PPP2R3A: variants seen among roughly 807,000 people sequenced by gnomAD.
The protein encoded by PPP2R3A is protein phosphatase 2 regulatory subunit B''alpha, also known as serine/threonine-protein phosphatase 2A regulatory subunit B'' subunit alpha.
Under a neutral mutation model 106.9 loss-of-function variants are expected in PPP2R3A, and 80 were observed. That is an observed-to-expected ratio of 0.75 (90% CI 0.62 to 0.90). The LOEUF (loss-of-function observed/expected upper bound fraction) is 0.90. Ranked by LOEUF, PPP2R3A falls within the 40% of genes least tolerant of loss-of-function variation. The pLI is 0.00. For synonymous variants in PPP2R3A, 483 were observed against 468.3 expected (o/e 1.03, Z -0.41); for missense variants, 1,386 against 1,350.4 (o/e 1.03, Z -0.41).
At chr3:136,005,168 G>T (rs962825146) in intron 2 of PPP2R3A, among the ~76,000 whole-genome samples, 4 of 152,174 alleles carry the variant, frequency 2.6e-5, no homozygotes, top group Middle Eastern at 3.4e-3. Flanking sequence ...CTTGTTTCAC[G>T]TACAAAATTC....
At chr3:136,057,328 C>T (rs1935904011) in intron 5 of PPP2R3A, among the ~76,000 whole-genome samples, 1 of 151,974 alleles carries the variant, frequency 6.6e-6, no homozygotes, top group African/African-American at 2.4e-5. Flanking sequence ...GAATATTAGT[C>T]ATAAAAAAGA....
intron 2 of PPP2R3A, chr3:136,023,156 C>A: frequency 1.2e-6 from 2 of 1,613,500 alleles, no homozygotes; most frequent in Non-Finnish European, 1.7e-6. Context: ...ATTTTGTTCT[C>A]CCTTCACGGT....
chr3:136,054,546 C>T (rs532991756), intron 5 of PPP2R3A, among the ~76,000 whole-genome samples: 8 of 152,104 alleles, frequency 5.3e-5, no homozygotes, highest in Admixed American at 2.0e-4. Context: ...CATGAGCCAC[C>T]GCGTCCAGCC....
intron 1 of PPP2R3A, among the ~76,000 whole-genome samples, chr3:135,976,458 A>G (rs546617555): frequency 1.1e-4 from 17 of 152,326 alleles, no homozygotes; most frequent in Non-Finnish European, 2.5e-4. Context: ...TTAGCATGAG[A>G]AGGAAATTTA....
Position 136,013,157 on chromosome 3 carries a change from GGT to G in PPP2R3A, c.1995+9689_1995+9690del, listed in dbSNP as rs773969022. 5.6e-3 allele frequency among the ~76,000 whole-genome samples: 787 copies of G among 139,752 alleles called. 4 individuals carry two copies. The highest frequency in any genetic ancestry group is 7.8e-3 in the Non-Finnish European group (511 of 65,362). The allele number at this position is 139,752 out of a possible 152,430, so 91.7% of individuals were successfully genotyped here. A position where few individuals can be genotyped will look rare whatever the true frequency, so the allele number is the denominator to read the frequency against. Reference sequence around the variant, plus strand: ...TTTTTATGGCTGAATAGTATTCCATGGTGTGTGTGTGTGTGTGTGTGTGTGTA... The same window carrying G: ...TTTTTATGGCTGAATAGTATTCCATGGTGTGTGTGTGTGTGTGTGTGTGTA... On this transcript the variant is annotated intron_variant, in intron 2 of 13. Transcript: ENST00000264977.
intron 5 of PPP2R3A, among the ~76,000 whole-genome samples, chr3:136,062,735 A>G (rs1218842371): frequency 7.9e-5 from 12 of 150,982 alleles, no homozygotes; most frequent in Non-Finnish European, 1.8e-4. Flanking sequence ...AAAAAAAAAG[A>G]ATAAGGAAAC....
At chr3:135,988,749 C>A (rs1318952016) in intron 1 of PPP2R3A, among the ~76,000 whole-genome samples, 1 of 152,168 alleles carries the variant, frequency 6.6e-6, no homozygotes, top group African/African-American at 2.4e-5. Context: ...CTATGAATTT[C>A]TCTGCTTCCT....
At chr3:136,068,762 A>G (rs1026826217) in intron 5 of PPP2R3A, among the ~76,000 whole-genome samples, 1 of 150,688 alleles carries the variant, frequency 6.6e-6, no homozygotes, top group Non-Finnish European at 1.5e-5. Context: ...TTAAGAGAAA[A>G]TAGCAACTTT....
chr3:136,017,296 C>A (rs1020081740), intron 2 of PPP2R3A, among the ~76,000 whole-genome samples: 18 of 152,110 alleles, frequency 1.2e-4, no homozygotes, highest in Non-Finnish European at 2.5e-4. Flanking sequence ...TGTGCCTAGG[C>A]GATGATCTTT....
At chr3:135,988,268 C>T (rs1162117352) in intron 1 of PPP2R3A, among the ~76,000 whole-genome samples, 1 of 146,784 alleles carries the variant, frequency 6.8e-6, no homozygotes, top group East Asian at 2.0e-4. Context: ...AAAAAAAAAA[C>T]AGTTTTTTTA....
chr3:136,126,504 A>T (rs1296214277), intron 13 of PPP2R3A, among the ~76,000 whole-genome samples: 1 of 152,232 alleles, frequency 6.6e-6, no homozygotes, highest in Non-Finnish European at 1.5e-5. Context: ...CAGCTCAACA[A>T]TGCCTACTGC....
At chr3:136,054,874 A>T (rs574091269) in intron 5 of PPP2R3A, among the ~76,000 whole-genome samples, 1 of 152,212 alleles carries the variant, frequency 6.6e-6, no homozygotes, top group East Asian at 1.9e-4. Flanking sequence ...AAAGAAATGC[A>T]TTAATTCAGT....
chr3:135,985,363 C>T (rs533760958), intron 1 of PPP2R3A, among the ~76,000 whole-genome samples: 2 of 143,656 alleles, frequency 1.4e-5, no homozygotes, highest in South Asian at 4.7e-4. Flanking sequence ...GCCCTCTTTC[C>T]CTCTCTCCCT....
intron 13 of PPP2R3A, among the ~76,000 whole-genome samples, chr3:136,136,230 C>T (rs1938619892): frequency 6.6e-6 from 1 of 151,850 alleles, no homozygotes; most frequent in South Asian, 2.1e-4. Flanking sequence ...TACGACTTGG[C>T]ACACTGAGCT....
intron 2 of PPP2R3A, among the ~76,000 whole-genome samples, chr3:136,011,974 T>TACACAC (rs961223158): frequency 5.9e-5 from 8 of 136,516 alleles, no homozygotes; most frequent in African/African-American, 2.5e-4. Context: ...TGAGAAATCA[T>TACACAC]ACACACACAC....
In PPP2R3A at chr3:135,973,596, A is replaced by G. The variant is rs548287200; in HGVS notation, c.-441+7747A>G. 1.1e-3 allele frequency among the ~76,000 whole-genome samples: 160 copies of G among 152,254 alleles called. 1 individual carries two copies. The highest frequency in any genetic ancestry group is 3.3e-3 in the African/African-American group (139 of 41,546). Reference sequence around the variant, plus strand: ...TTGTTGAATTCTGTTGCTATTCCTCATATTGAGGAATGTCTATTCTAGGTG... The same window carrying G: ...TTGTTGAATTCTGTTGCTATTCCTCGTATTGAGGAATGTCTATTCTAGGTG... On this transcript the variant is annotated intron_variant, in intron 1 of 13. Coordinates refer to ENST00000264977, the MANE Select transcript of PPP2R3A (RefSeq NM_002718.5).
intron 13 of PPP2R3A, among the ~76,000 whole-genome samples, chr3:136,111,683 C>T (rs984230113): frequency 4.6e-5 from 7 of 151,754 alleles, no homozygotes; most frequent in African/African-American, 1.7e-4. Context: ...CAGATAAAAC[C>T]CTGGACTAGA....
intron 1 of PPP2R3A, among the ~76,000 whole-genome samples, chr3:135,984,890 T>C (rs982321657): frequency 6.6e-6 from 1 of 152,146 alleles, no homozygotes; most frequent in African/African-American, 2.4e-5. Flanking sequence ...GTCACATCTT[T>C]CGTGGATGGT....
At chr3:136,027,985 G>A (rs1207757281) in intron 3 of PPP2R3A, among the ~76,000 whole-genome samples, 2 of 152,222 alleles carry the variant, frequency 1.3e-5, no homozygotes, top group African/African-American at 4.8e-5. Flanking sequence ...CCATTCTTCA[G>A]GATAAACCTC....
Sources: gnomAD v4.1 joint callset for allele counts (sites outside exome capture counted in the v4.1 genomes callset) on GRCh38, gnomAD v4.1.1 for gene constraint, MANE v1.5 for transcripts, NCBI Gene and HGNC (gene_info 2026-07-23, HGNC 2026-07-21) for gene names.